The following KCNJ10 variants were observed in gnomAD, a reference collection of about 807,000 sequenced individuals.
KCNJ10 encodes potassium inwardly rectifying channel subfamily J member 10.
In KCNJ10, 9 loss-of-function variants were observed where a neutral mutation model predicts 22.2. The observed-to-expected ratio is 0.40, with a 90% CI of 0.24 to 0.71. The LOEUF (loss-of-function observed/expected upper bound fraction) is 0.71. Among genes scored for constraint, KCNJ10 ranks in the 30% least tolerant of loss-of-function variants. KCNJ10 has a pLI of 0.35. For synonymous variants in KCNJ10, 184 were observed against 187.3 expected, an observed-to-expected ratio of 0.98 and a Z score of 0.15; for missense variants, 337 against 482.7, an observed-to-expected ratio of 0.70 and a Z score of 2.83.
At chr1:160,062,249 A>G (rs1287574518) in intron 1 of KCNJ10, among the ~76,000 whole-genome samples, 1 of 152,042 alleles carries the variant, frequency 6.6e-6, no homozygotes, top group East Asian at 2.0e-4. Flanking sequence ...CCCTCCGGAC[A>G]CTGGGGCGAA....
In KCNJ10 at chr1:160,048,534, G is replaced by A. The variant is rs550776600; in HGVS notation, c.1-6002C>T. Among the ~76,000 whole-genome samples, 147 of 152,276 alleles carry A rather than the reference G, an allele frequency of 9.7e-4. 1 individual carries two copies. The highest frequency in any genetic ancestry group is 3.2e-3 in the African/African-American group (135 of 41,540). ...CAGGGGCAGCAGGTGCAGGGGGAGG[G>A]GAAAAGCTGCACCCACAGGGAAAGT... On this transcript the variant is annotated intron_variant, in intron 1 of 1. Coordinates refer to ENST00000644903, the MANE Select transcript of KCNJ10 (RefSeq NM_002241.5).
chr1:160,056,218 G>T (rs145776402), intron 1 of KCNJ10, among the ~76,000 whole-genome samples: 2 of 152,024 alleles, frequency 1.3e-5, no homozygotes, highest in African/African-American at 4.8e-5. Flanking sequence ...TGCTCATCTC[G>T]GTCCTCGGCT....
At chr1:160,054,086 AC>A (rs1557971672) in intron 1 of KCNJ10, among the ~76,000 whole-genome samples, 1 of 151,746 alleles carries the variant, frequency 6.6e-6, no homozygotes, top group Non-Finnish European at 1.5e-5. Context: ...CATCTTGGGG[AC>A]CCCCTGTTTC....
intron 1 of KCNJ10, among the ~76,000 whole-genome samples, chr1:160,055,237 C>T (rs1045158927): frequency 2.8e-4 from 42 of 152,244 alleles, no homozygotes; most frequent in African/African-American, 9.9e-4. Context: ...TTGAAGTCTA[C>T]AAAACACTTG....
At chr1:160,048,131 C>A (rs1011811469) in intron 1 of KCNJ10, among the ~76,000 whole-genome samples, 3 of 152,220 alleles carry the variant, frequency 2.0e-5, no homozygotes, top group African/African-American at 7.2e-5. Flanking sequence ...TAATTTAAGA[C>A]CACTGACTCT....
At position 160,039,394 on chromosome 1, in the gene KCNJ10, A is replaced by G. The variant is rs1458793472; in HGVS notation, c.*1999T>C. ...TATAGACACACACACACACACACAC[A>G]CACACACACACACACACACACACAC... is the stretch of plus-strand genomic sequence containing the variant. On this transcript the variant is annotated 3_prime_UTR_variant, in exon 2 of 2. Coordinates refer to ENST00000644903, the MANE Select transcript of KCNJ10 (RefSeq NM_002241.5). 3 of 150,796 alleles carry G rather than the reference A, an allele frequency of 2.0e-5. No individual in the cohort carries two copies. The highest frequency in any genetic ancestry group is 7.6e-5 in the African/African-American group (3 of 39,440). 9.3% of individuals were successfully genotyped at this position (150,796 alleles called of 1,614,324 possible). A position where few individuals can be genotyped will look rare whatever the true frequency, so the allele number is the denominator to read the frequency against.
intron 1 of KCNJ10, among the ~76,000 whole-genome samples, chr1:160,064,416 A>T: frequency 6.6e-6 from 1 of 152,264 alleles, no homozygotes; most frequent in East Asian, 1.9e-4. Flanking sequence ...CCAGATGTTT[A>T]AAAAGACTTG....
rs1221395551 is a variant in KCNJ10, at chr1:160,039,286, G to C, written c.*2107C>G. ...CTAGAGGCTTGAGTCTGGGGGCTTA[G>C]AATAGACAGCAGGGGAATGGGAAGA... On this transcript the variant is annotated 3_prime_UTR_variant, in exon 2 of 2. Transcript: ENST00000644903. 1 of 152,422 alleles carries C rather than the reference G, an allele frequency of 6.6e-6. No individual in the cohort carries two copies. Among genetic ancestry groups the C allele is most frequent in the Non-Finnish European group, 1.5e-5 (1 of 68,096 alleles). 9.4% of individuals were successfully genotyped at this position (152,422 alleles called of 1,614,324 possible).
chr1:160,050,391 C>T (rs1173583776), intron 1 of KCNJ10, among the ~76,000 whole-genome samples: 1 of 152,042 alleles, frequency 6.6e-6, no homozygotes, highest in Non-Finnish European at 1.5e-5. Context: ...CCTCAGCCTC[C>T]CTAAATGCAG....
At chr1:160,057,575 C>A (rs775349213) in intron 1 of KCNJ10, among the ~76,000 whole-genome samples, 2 of 152,338 alleles carry the variant, frequency 1.3e-5, no homozygotes, top group South Asian at 2.1e-4. Flanking sequence ...TATCCCTCAG[C>A]CTCTCGCCCT....
intron 1 of KCNJ10, among the ~76,000 whole-genome samples, chr1:160,065,277 G>C (rs949086193): frequency 2.6e-5 from 4 of 152,072 alleles, no homozygotes; most frequent in Non-Finnish European, 5.9e-5. Flanking sequence ...CCAAAGTCAG[G>C]CTCCTTCCCC....
At chr1:160,064,994 T>C (rs1370966100) in intron 1 of KCNJ10, 5 of 151,996 alleles carry the variant, frequency 3.3e-5, no homozygotes, top group Non-Finnish European at 7.3e-5. Flanking sequence ...ACGATGCTGC[T>C]GACAAGCCCG....
In KCNJ10 at chr1:160,037,923, A is replaced by G. The variant is rs1648513856; in HGVS notation, c.*3470T>C. The G allele has an allele frequency of 6.6e-6, 1 of 152,322 alleles. No individual in the cohort carries two copies. Among genetic ancestry groups the G allele is most frequent in the Admixed American group, 6.5e-5 (1 of 15,278 alleles). The allele number at this position is 152,322 out of a possible 1,614,324, so 9.4% of individuals were successfully genotyped here. A position where few individuals can be genotyped will look rare whatever the true frequency, so the allele number is the denominator to read the frequency against. On this transcript the variant is annotated 3_prime_UTR_variant, in exon 2 of 2. Coordinates refer to ENST00000644903, the MANE Select transcript of KCNJ10 (RefSeq NM_002241.5). Reference sequence around the variant, plus strand: ...ATGGAACTTCACCATCCCCTAGAGCAGCTGGTAACCCCACTCCTCATTTTC... The same window carrying G: ...ATGGAACTTCACCATCCCCTAGAGCGGCTGGTAACCCCACTCCTCATTTTC...
intron 1 of KCNJ10, among the ~76,000 whole-genome samples, chr1:160,060,091 C>T (rs1649149790): frequency 6.6e-6 from 1 of 152,144 alleles, no homozygotes; most frequent in Non-Finnish European, 1.5e-5. Context: ...CTCTGACCCT[C>T]ACTCAGAGGA....
At position 160,040,869 on chromosome 1, in the gene KCNJ10, T is replaced by TTCTTTCAACA. The variant is rs1648583657; in HGVS notation, c.*514_*523dup. On this transcript the variant is annotated 3_prime_UTR_variant, in exon 2 of 2. Coordinates refer to ENST00000644903, the MANE Select transcript of KCNJ10 (RefSeq NM_002241.5). Reference sequence around the variant, plus strand: ...AAGCTTCACAGTGGCAAACCCTGGCTTCTTTCAACAGAGATTGGTAGAAAC... The same window carrying TTCTTTCAACA: ...AAGCTTCACAGTGGCAAACCCTGGCTTCTTTCAACATCTTTCAACAGAGATTGGTAGAAAC... 2.9e-6 allele frequency: 1 copy of TTCTTTCAACA among 348,138 alleles called. No individual in the cohort carries two copies. The highest frequency in any genetic ancestry group is 1.2e-4 in the South Asian group (1 of 8,262). 21.6% of individuals were successfully genotyped at this position (348,138 alleles called of 1,614,324 possible).
Position 160,069,251 on chromosome 1 carries a change from T to C in KCNJ10, c.-1+771A>G, listed in dbSNP as rs1050027923. Among the ~76,000 whole-genome samples the C allele has an allele frequency of 5.3e-5, 8 of 152,196 alleles. 1 individual carries two copies. The highest frequency in any genetic ancestry group is 1.9e-4 in the African/African-American group (8 of 41,440). On this transcript the variant is annotated intron_variant, in intron 1 of 1. Coordinates refer to ENST00000644903, the MANE Select transcript of KCNJ10 (RefSeq NM_002241.5). ...ATCAGGAAGTTCCATCCTTCATCTGTTCCCTAACACAGGTGCCCTGGGTTA... is the reference window on the plus strand; with the variant it reads ...ATCAGGAAGTTCCATCCTTCATCTGCTCCCTAACACAGGTGCCCTGGGTTA...
intron 1 of KCNJ10, among the ~76,000 whole-genome samples, chr1:160,048,336 C>T (rs1329553658): frequency 6.6e-6 from 1 of 152,148 alleles, no homozygotes; most frequent in Non-Finnish European, 1.5e-5. Flanking sequence ...TGCCTACACC[C>T]TGTTTTCAGA....
chr1:160,048,501 C>T (rs1016390057), intron 1 of KCNJ10, among the ~76,000 whole-genome samples: 5 of 152,210 alleles, frequency 3.3e-5, no homozygotes, highest in Admixed American at 6.5e-5. Context: ...GATGCTTCAA[C>T]CCCCTCCCAG....
In KCNJ10 at chr1:160,041,070, C is replaced by T. The variant is rs567333107; in HGVS notation, c.*323G>A. 245 of 412,130 alleles carry T rather than the reference C, an allele frequency of 5.9e-4. No homozygotes were observed. Among genetic ancestry groups the T allele is most frequent in the Middle Eastern group, 2.9e-3 (4 of 1,400 alleles). 25.5% of individuals were successfully genotyped at this position (412,130 alleles called of 1,614,324 possible). ...GGGAGGTAGGGGGCAGTCTATCCTTCCAACCACATGGTCCTCCTAATGTGA... is the reference window on the plus strand; with the variant it reads ...GGGAGGTAGGGGGCAGTCTATCCTTTCAACCACATGGTCCTCCTAATGTGA... On this transcript the variant is annotated 3_prime_UTR_variant, in exon 2 of 2. Transcript: ENST00000644903. This position sits in a 1 kb window ranked among gnomAD's most constrained non-coding sequence, Gnocchi z 4.4.
Sources: gnomAD v4.1 joint callset for allele counts (sites outside exome capture counted in the v4.1 genomes callset) on GRCh38, gnomAD v4.1.1 for gene constraint, Gnocchi (gnomAD v3.1) non-coding constraint, MANE v1.5 for transcripts, NCBI Gene and HGNC (gene_info 2026-07-23, HGNC 2026-07-21) for gene names.